RTEL1: variants seen among roughly 807,000 people sequenced by gnomAD.
RTEL1 encodes regulator of telomere elongation helicase 1, also known as regulator of telomere length.
In RTEL1, 86 loss-of-function variants were observed where a neutral mutation model predicts 162.2. The ratio of observed to expected loss-of-function variants is 0.53; its 90% CI spans 0.45 to 0.63. The LOEUF (loss-of-function observed/expected upper bound fraction) is 0.63. Ranked by LOEUF, RTEL1 falls within the 30% of genes least tolerant of loss-of-function variation. RTEL1 has a pLI of 0.00. For missense variants in RTEL1, 1,941 were observed against 1,750.2 expected (o/e 1.11, Z -1.95); for synonymous variants, 958 against 717.9 (o/e 1.33, Z -5.35).
In RTEL1 at chr20:63,668,306, C is replaced by T. The variant is rs2090181151; in HGVS notation, c.699+753C>T. ...ATGGCGTGGTGACGTTTCCAGATCC[C>T]GTCGTTGGTTCGCTCATTCTCGGGG... is the stretch of plus-strand genomic sequence containing the variant. On this transcript the variant is annotated intron_variant, in intron 8 of 34. Coordinates refer to ENST00000360203, the MANE Select transcript of RTEL1 (RefSeq NM_001283009.2). The surrounding 1 kb of genome is among the most constrained non-coding windows in gnomAD (Gnocchi z 4.3). Among the ~76,000 whole-genome samples the T allele has an allele frequency of 6.6e-6, 1 of 152,170 alleles. No individual in the cohort carries two copies. Among genetic ancestry groups the T allele is most frequent in the Non-Finnish European group, 1.5e-5 (1 of 68,042 alleles).
At chr20:63,684,748 C>T (rs1259155721) in intron 14 of RTEL1, among the ~76,000 whole-genome samples, 5 of 151,666 alleles carry the variant, frequency 3.3e-5, no homozygotes, top group South Asian at 2.1e-4. Flanking sequence ...GCTGGGATTA[C>T]GGGTGTGAGC....
intron 28 of RTEL1, chr20:63,692,364 C>A: frequency 4.3e-6 from 1 of 231,740 alleles, no homozygotes; most frequent in Non-Finnish European, 8.6e-6. Flanking sequence ...CTGGGCCGCC[C>A]CTGCCTTGGT....
chr20:63,675,092 A>G (rs1317389843), intron 10 of RTEL1, among the ~76,000 whole-genome samples: 1 of 152,090 alleles, frequency 6.6e-6, no homozygotes, highest in African/African-American at 2.4e-5. Flanking sequence ...TTTTTAGTAG[A>G]GATGGTTTCT....
chr20:63,694,588 GA>G (rs764784289), intron 31 of RTEL1, 100 bp downstream of exon 31: 86 of 1,243,680 alleles, frequency 6.9e-5, no homozygotes, highest in Non-Finnish European at 9.3e-5. Flanking sequence ...CCCCTGTGGG[GA>G]GCCATCTCAT....
At chr20:63,689,368 G>A in intron 22 of RTEL1, 134 bp from the exon 23 acceptor site, 2 of 1,112,868 alleles carry the variant, frequency 1.8e-6, no homozygotes, top group African/African-American at 1.6e-5. Context: ...CCCAAGTGGG[G>A]TCCTGACCCA....
intron 14 of RTEL1, chr20:63,682,079 A>G: frequency 1.0e-6 from 1 of 985,406 alleles, no homozygotes; most frequent in Non-Finnish European, 1.2e-6. Context: ...GGCAGGTGTG[A>G]GCTGGCCCGG....
chr20:63,695,347 G>T lies in RTEL1; in HGVS notation c.3519G>T (p.Lys1173Asn). ...CTCCAGGCCCCTCACGGTCCGAGAA[G>T]ACCGGGAAGACCCAGAGCAAGATCT... ...APQPGPSRSEKTGKTQSKISS... is the reference protein window; with the variant it reads ...APQPGPSRSENTGKTQSKISS... Residue 1173 changes from lysine to asparagine, a missense_variant, in exon 34 of 35, where the codon AAG becomes AAT. Physicochemically the swap from Lys to Asn is moderately conservative, Grantham distance 94. Transcript: ENST00000360203. 6.4e-7 allele frequency: 1 copy of T among 1,551,440 alleles called. No homozygotes were observed. Among genetic ancestry groups the T allele is most frequent in the South Asian group, 1.2e-5 (1 of 81,714 alleles).
intron 6 of RTEL1, 25 bp downstream of exon 6, chr20:63,662,914 G>A (rs2090049855): frequency 1.2e-6 from 2 of 1,610,774 alleles, no homozygotes; most frequent in East Asian, 4.5e-5. Context: ...GTGGGACCAG[G>A]GTCGGGTTGG....
rs779425045 is a variant in RTEL1, at chr20:63,694,961, C to G, written c.3330C>G (p.Phe1110Leu). ...AALTTAKPED[F>L]PLLHRFSMFV... is the part of the protein sequence containing the mutation. ...TGACCACTGCAAAGCCAGAGGACTT[C>G]CCCCTGCTGCACAGCAAGTGGCCCT... The change falls in exon 32 of 35, where the codon TTC (phenylalanine) becomes TTG (leucine). Residue 1110 changes from phenylalanine to leucine, a missense_variant. By Grantham distance (22) the Phe-to-Leu change is conservative. Coordinates refer to ENST00000360203, the MANE Select transcript of RTEL1 (RefSeq NM_001283009.2). 1.9e-6 allele frequency: 3 copies of G among 1,612,490 alleles called. No homozygotes were observed. The South Asian group carries it at 3.3e-5, about 18-fold the overall frequency.
rs1330413567 is a variant in RTEL1 at position 63,668,112 on chromosome 20, C to CT, written c.699+560dup. On this transcript the variant is annotated intron_variant, in intron 8 of 34. Coordinates refer to ENST00000360203, the MANE Select transcript of RTEL1 (RefSeq NM_001283009.2). The surrounding 1 kb of genome is among the most constrained non-coding windows in gnomAD (Gnocchi z 4.3). ...CCCCGTGTGCCCAGCCCCACGCTCA[C>CT]TCCCCCCGCCAGCATGTGCCCGGCC... Among the ~76,000 whole-genome samples the CT allele has an allele frequency of 3.3e-5, 5 of 151,754 alleles. No individual in the cohort carries two copies. The highest frequency in any genetic ancestry group is 1.2e-4 in the African/African-American group (5 of 41,288).
At position 63,694,499 on chromosome 20, in the gene RTEL1, C is replaced by T. The variant is rs369098224; in HGVS notation, c.3109+11C>T. On this transcript the variant is annotated intron_variant, in intron 31 of 34. Transcript: ENST00000360203. ...GGCCACCCCCAACAGGTAGCTGACT[C>T]CTGAACCGTGTGCAGCCTACGACTT... The T allele has an allele frequency of 6.6e-5, 104 of 1,577,852 alleles. No homozygotes were observed. The African/African-American group carries it at 9.7e-4, about 15-fold the overall frequency.
chr20:63,695,056 C>G lies in RTEL1; in HGVS notation c.3344-10C>G. 1 of 1,611,394 alleles carries G rather than the reference C, an allele frequency of 6.2e-7. No homozygotes were observed. The highest frequency in any genetic ancestry group is 8.5e-7 in the Non-Finnish European group (1 of 1,179,140). On this transcript the variant is annotated splice_polypyrimidine_tract_variant and intron_variant, in intron 32 of 34. Transcript: ENST00000360203. ...GGGGCTGTGCCGGGTCTGATTGAAG[C>G]TCCCCGCAGGGTTCAGCATGTTTGT... is the stretch of plus-strand genomic sequence containing the variant.
chr20:63,668,912 G>A lies in RTEL1; in HGVS notation c.699+1359G>A, dbSNP rs1306642483. On this transcript the variant is annotated intron_variant, in intron 8 of 34. Transcript: ENST00000360203. This position sits in a 1 kb window ranked among gnomAD's most constrained non-coding sequence, Gnocchi z 4.3. ...CTAAAGCTGCAGGAGTGGAGGTGGA[G>A]ATGGCCCAGCTCAGGCACAGGCCTG... is the stretch of plus-strand genomic sequence containing the variant. Among the ~76,000 whole-genome samples the A allele has an allele frequency of 3.3e-5, 5 of 152,234 alleles. No individual in the cohort carries two copies. The highest frequency in any genetic ancestry group is 6.5e-5 in the Admixed American group (1 of 15,290).
intron 14 of RTEL1, among the ~76,000 whole-genome samples, chr20:63,682,838 G>A: frequency 6.6e-6 from 1 of 152,266 alleles, no homozygotes; most frequent in Non-Finnish European, 1.5e-5. Context: ...CTTAGCTGGA[G>A]GCAAACTCTG....
chr20:63,683,520 G>A (rs1024644144), intron 14 of RTEL1, among the ~76,000 whole-genome samples: 4 of 152,196 alleles, frequency 2.6e-5, no homozygotes, highest in African/African-American at 9.7e-5. Flanking sequence ...ACGCACACAC[G>A]CACGCACGCC....
chr20:63,661,577 T>C lies in RTEL1; in HGVS notation c.301+81T>C. 1 of 1,346,728 alleles carries C rather than the reference T, an allele frequency of 7.4e-7. No homozygotes were observed. The highest frequency in any genetic ancestry group is 2.5e-5 in the East Asian group (1 of 40,340). 83.4% of individuals were successfully genotyped at this position (1,346,728 alleles called of 1,614,324 possible). On this transcript the variant is annotated intron_variant, in intron 3 of 34. Coordinates refer to ENST00000360203, the MANE Select transcript of RTEL1 (RefSeq NM_001283009.2). The surrounding 1 kb of genome is among the most constrained non-coding windows in gnomAD (Gnocchi z 5.1). ...TGGCGCTGAGGGTGGGGTGGGCCCA[T>C]GGGGACTCCTGCCGTCTCTCAAGCA...
At chr20:63,678,663 A>ACTCCCACGGAACAGCACACTCT (rs1178131207) in intron 12 of RTEL1, among the ~76,000 whole-genome samples, 2 of 26,982 alleles carry the variant, frequency 7.4e-5, no homozygotes, top group African/African-American at 1.7e-4. Flanking sequence ...CAGCACACAC[A>ACTCCCACGGAACAGCACACTCT]CCCACGGAAC....
At chr20:63,692,729 C>T in intron 28 of RTEL1, 76 bp from the exon 29 acceptor site, 1 of 1,425,950 alleles carries the variant, frequency 7.0e-7, no homozygotes, top group South Asian at 1.2e-5. Context: ...GCTCAATGTT[C>T]CAAGGAAGGC....
intron 30 of RTEL1, 87 bp from the exon 31 acceptor site, chr20:63,694,285 G>A: frequency 8.6e-7 from 1 of 1,161,250 alleles, no homozygotes; most frequent in Non-Finnish European, 1.3e-6. Context: ...GGTGAGGCCT[G>A]GCCTCCCTAG....
Sources: gnomAD v4.1 joint callset for allele counts (sites outside exome capture counted in the v4.1 genomes callset) on GRCh38, gnomAD v4.1.1 for gene constraint, Gnocchi (gnomAD v3.1) non-coding constraint, MANE v1.5 for transcripts, NCBI Gene and HGNC (gene_info 2026-07-23, HGNC 2026-07-21) for gene names.